MARCHF1: variants seen among roughly 807,000 people sequenced by gnomAD.
MARCHF1 encodes the protein E3 ubiquitin-protein ligase MARCHF1.
MARCHF1 carries 40 observed loss-of-function variants against 54.2 expected under a neutral mutation model. The observed-to-expected ratio is 0.74, with a 90% CI of 0.57 to 0.96. The LOEUF is 0.96. Among genes scored for constraint, MARCHF1 ranks in the 40% least tolerant of loss-of-function variants. The pLI is 0.00. For missense variants in MARCHF1, 586 were observed against 656.5 expected, an observed-to-expected ratio of 0.89 and a Z score of 1.17; for synonymous variants, 236 against 236.3, an observed-to-expected ratio of 1.00 and a Z score of 0.01.
intron 4 of MARCHF1, among the ~76,000 whole-genome samples, chr4:163,834,690 C>T (rs571285620): frequency 9.6e-5 from 14 of 145,174 alleles, no homozygotes; most frequent in African/African-American, 3.1e-4. Flanking sequence ...AGTAAACTAT[C>T]GCAAGAACAA....
chr4:164,336,500 T>G (rs918218871), intron 1 of MARCHF1, among the ~76,000 whole-genome samples: 7 of 152,348 alleles, frequency 4.6e-5, no homozygotes, highest in African/African-American at 1.7e-4. Flanking sequence ...TTATACGCTT[T>G]TTCTATTGAA....
At chr4:163,530,348 A>G (rs985124192) in intron 9 of MARCHF1, 1 of 151,852 alleles carries the variant, frequency 6.6e-6, no homozygotes, top group Non-Finnish European at 1.5e-5. Context: ...TATGATCATC[A>G]TGTGATAAGA....
intron 4 of MARCHF1, among the ~76,000 whole-genome samples, chr4:163,709,210 G>A (rs941774334): frequency 9.9e-5 from 15 of 152,064 alleles, no homozygotes; most frequent in African/African-American, 3.1e-4. Flanking sequence ...TTAGCATGGC[G>A]GGATTGAGGG....
chr4:164,004,113 C>A (rs1753238268), intron 2 of MARCHF1, among the ~76,000 whole-genome samples: 1 of 151,924 alleles, frequency 6.6e-6, no homozygotes, highest in Non-Finnish European at 1.5e-5. Flanking sequence ...GGAAGGGGAA[C>A]AACACACACT....
intron 4 of MARCHF1, among the ~76,000 whole-genome samples, chr4:163,772,225 G>A (rs904335720): frequency 1.3e-5 from 2 of 152,124 alleles, no homozygotes; most frequent in Non-Finnish European, 2.9e-5. Context: ...TAATGGTAAT[G>A]ATGACAGTAT....
At chr4:163,687,314 A>G (rs1579195960) in intron 5 of MARCHF1, among the ~76,000 whole-genome samples, 1 of 149,128 alleles carries the variant, frequency 6.7e-6, no homozygotes, top group African/African-American at 2.5e-5. Flanking sequence ...TGCAAACTCC[A>G]CCTCCCCGGT....
intron 1 of MARCHF1, among the ~76,000 whole-genome samples, chr4:164,244,196 T>C (rs369677334): frequency 2.7e-4 from 40 of 148,498 alleles, no homozygotes; most frequent in East Asian, 9.8e-4. Flanking sequence ...AAATTGACCA[T>C]ATACTGGGAA....
At chr4:164,213,532 G>C (rs1293255319) in intron 1 of MARCHF1, among the ~76,000 whole-genome samples, 2 of 151,918 alleles carry the variant, frequency 1.3e-5, no homozygotes, top group Non-Finnish European at 2.9e-5. Context: ...ATCACGCCTG[G>C]CCTGGGCTTT....
chr4:163,834,691 G>A (rs1213206283), intron 4 of MARCHF1, among the ~76,000 whole-genome samples: 2 of 142,536 alleles, frequency 1.4e-5, no homozygotes, highest in African/African-American at 2.6e-5. Flanking sequence ...GTAAACTATC[G>A]CAAGAACAAA....
chr4:164,050,946 G>GTAA lies in MARCHF1; in HGVS notation c.-248+60639_-248+60641dup, dbSNP rs545614334. On this transcript the variant is annotated intron_variant, in intron 2 of 9. Transcript: ENST00000514618. ...AAACTCTGTCTCAATAATAATAATAGTAATAATAATAATAATAATATCCGT... is the reference window on the plus strand; with the variant it reads ...AAACTCTGTCTCAATAATAATAATAGTAATAATAATAATAATAATAATATCCGT... 1.1e-3 allele frequency among the ~76,000 whole-genome samples: 166 copies of GTAA among 151,408 alleles called. 1 individual carries two copies. Among genetic ancestry groups the GTAA allele is most frequent in the East Asian group, 9.1e-3 (47 of 5,140 alleles).
chr4:164,184,302 A>G (rs931483066), intron 1 of MARCHF1, among the ~76,000 whole-genome samples: 24 of 152,198 alleles, frequency 1.6e-4, no homozygotes, highest in Admixed American at 5.9e-4. Context: ...TTGATTTGAA[A>G]TAAACTGAGA....
intron 1 of MARCHF1, among the ~76,000 whole-genome samples, chr4:164,228,202 T>G (rs1270422621): frequency 1.3e-5 from 2 of 152,182 alleles, no homozygotes; most frequent in Admixed American, 6.6e-5. Flanking sequence ...GTCAAGATAC[T>G]ACAAAGTTTC....
intron 1 of MARCHF1, among the ~76,000 whole-genome samples, chr4:164,223,763 T>C (rs531110299): frequency 2.0e-5 from 3 of 151,792 alleles, no homozygotes; most frequent in African/African-American, 7.3e-5. Context: ...GAAATACTAA[T>C]GCTGCTCTTT....
chr4:163,955,091 G>A (rs1274177740), intron 3 of MARCHF1, among the ~76,000 whole-genome samples: 1 of 151,586 alleles, frequency 6.6e-6, no homozygotes, highest in Non-Finnish European at 1.5e-5. Context: ...TTGGACAATG[G>A]AGGTGGAATG....
chr4:163,553,639 G>T (rs961537022), intron 8 of MARCHF1, among the ~76,000 whole-genome samples: 1 of 152,168 alleles, frequency 6.6e-6, no homozygotes, highest in Non-Finnish European at 1.5e-5. Context: ...TTTAATATAT[G>T]CCCCAGTAAC....
At chr4:164,380,032 C>T (rs1047334554) in intron 1 of MARCHF1, among the ~76,000 whole-genome samples, 1 of 150,616 alleles carries the variant, frequency 6.6e-6, no homozygotes, top group African/African-American at 2.4e-5. Context: ...AAAATTACAT[C>T]TATTTAAAAA....
chr4:163,753,890 G>T (rs1746593746), intron 4 of MARCHF1, among the ~76,000 whole-genome samples: 1 of 152,138 alleles, frequency 6.6e-6, no homozygotes, highest in Non-Finnish European at 1.5e-5. Flanking sequence ...AGCAATAGCG[G>T]CAGAAGAGCA....
intron 1 of MARCHF1, among the ~76,000 whole-genome samples, chr4:164,327,928 T>C (rs1013358919): frequency 6.6e-6 from 1 of 152,186 alleles, no homozygotes; most frequent in African/African-American, 2.4e-5. Flanking sequence ...GGGTTGTCTG[T>C]GGGACATCCA....
chr4:164,110,262 T>C (rs970328336), intron 2 of MARCHF1, among the ~76,000 whole-genome samples: 2 of 151,792 alleles, frequency 1.3e-5, no homozygotes, highest in African/African-American at 4.8e-5. Context: ...AAAATAATCA[T>C]GTAAATGGAT....
Sources: allele counts gnomAD v4.1 joint callset (sites outside exome capture counted in the v4.1 genomes callset), GRCh38; gene constraint gnomAD v4.1.1; transcripts MANE v1.5; gene names NCBI Gene and HGNC (gene_info 2026-07-23, HGNC 2026-07-21).